LY6S: variants seen among roughly 807,000 people sequenced by gnomAD.
LY6S encodes lymphocyte antigen 6 family member S.
At chr8:143,047,495 C>T in the LY6S span, among the ~76,000 whole-genome samples, 2 of 152,102 alleles carry the variant, frequency 1.3e-5, no homozygotes, top group Admixed American at 1.3e-4. Flanking sequence ...AGGAAGTGAC[C>T]ATATCCTTGG....
the LY6S span, chr8:143,044,050 G>C: frequency 2.3e-6 from 1 of 425,818 alleles, no homozygotes; most frequent in South Asian, 1.6e-5. Context: ...AGCTGAGGGT[G>C]CTGAGGGTGC....
chr8:143,058,706 G>C, the LY6S span, among the ~76,000 whole-genome samples: 1 of 152,258 alleles, frequency 6.6e-6, no homozygotes, highest in Non-Finnish European at 1.5e-5. Context: ...TGGGGAAAGG[G>C]AGACTTCCTT....
chr8:143,053,633 T>C, the LY6S span: 1 of 152,152 alleles, frequency 6.6e-6, no homozygotes, highest in East Asian at 1.9e-4. Flanking sequence ...CTCTTAACGA[T>C]CAACGGTAAT....
At chr8:143,072,315 G>GTTC in the LY6S span, among the ~76,000 whole-genome samples, 1 of 114,290 alleles carries the variant, frequency 8.7e-6, no homozygotes, top group Non-Finnish European at 1.8e-5. Context: ...CGTCCCCGGG[G>GTTC]CTCCTGTTAG....
chr8:143,061,351 A>G, the LY6S span, among the ~76,000 whole-genome samples: 1 of 152,340 alleles, frequency 6.6e-6, no homozygotes, highest in African/African-American at 2.4e-5. Context: ...AAATAAAAGG[A>G]TATTTATAGT....
At chr8:143,051,986 A>G in the LY6S span, among the ~76,000 whole-genome samples, 3 of 144,066 alleles carry the variant, frequency 2.1e-5, no homozygotes, top group Non-Finnish European at 4.5e-5. Context: ...AAAAAAAAGA[A>G]AAGAAAAGAA....
At chr8:143,058,033 C>G in the LY6S span, among the ~76,000 whole-genome samples, 1 of 152,146 alleles carries the variant, frequency 6.6e-6, no homozygotes, top group Non-Finnish European at 1.5e-5. Context: ...AAAGTGGAGG[C>G]AAGTTCATTA....
At chr8:143,055,688 C>T in the LY6S span, among the ~76,000 whole-genome samples, 7,501 of 152,212 alleles carry the variant, frequency 0.049, 610 homozygotes, top group African/African-American at 0.17. Flanking sequence ...TGTACGAGCG[C>T]TTGTTTCATT....
At chr8:143,069,894 G>A in the LY6S span, among the ~76,000 whole-genome samples, 33 of 152,334 alleles carry the variant, frequency 2.2e-4, no homozygotes, top group African/African-American at 6.7e-4. Flanking sequence ...ATGAACAGGG[G>A]ACAGGGGATG....
At chr8:143,067,095 G>T in the LY6S span, among the ~76,000 whole-genome samples, 1 of 152,166 alleles carries the variant, frequency 6.6e-6, no homozygotes, top group African/African-American at 2.4e-5. Context: ...GTTCATGTGA[G>T]ATGTAATTGT....
chr8:143,069,804 G>T, the LY6S span, among the ~76,000 whole-genome samples: 1 of 152,246 alleles, frequency 6.6e-6, no homozygotes, highest in Admixed American at 6.5e-5. Flanking sequence ...ATCAGACTCC[G>T]CAAGCAGAGA....
the LY6S span, chr8:143,044,668 C>A: frequency 3.0e-5 from 41 of 1,366,028 alleles, no homozygotes; most frequent in Non-Finnish European, 4.0e-5. Context: ...TCTGCCCTGG[C>A]ACCCCAGGGA....
At chr8:143,055,729 T>TA in the LY6S span, among the ~76,000 whole-genome samples, 29 of 152,278 alleles carry the variant, frequency 1.9e-4, no homozygotes, top group East Asian at 1.5e-3. Context: ...GAAGAGTAAA[T>TA]ACGCCGTGAA....
chr8:143,058,765 G>T, the LY6S span, among the ~76,000 whole-genome samples: 8 of 152,206 alleles, frequency 5.3e-5, no homozygotes, highest in Admixed American at 1.3e-4. Flanking sequence ...TTATGCTACC[G>T]CTAGACCTCG....
chr8:143,058,898 A>G, the LY6S span, among the ~76,000 whole-genome samples: 3 of 152,124 alleles, frequency 2.0e-5, no homozygotes, highest in Non-Finnish European at 4.4e-5. Flanking sequence ...TCACTTCACT[A>G]TGTCCCCTCA....
the LY6S span, chr8:143,053,331 C>T: frequency 6.6e-6 from 1 of 152,330 alleles, no homozygotes; most frequent in East Asian, 1.9e-4. Flanking sequence ...CAAGTAACAT[C>T]TTCCTTTTCT....
At chr8:143,065,791 C>CT in the LY6S span, 2 of 106,276 alleles carry the variant, frequency 1.9e-5, no homozygotes, top group Non-Finnish European at 3.5e-5. Flanking sequence ...CTTTTTCTTT[C>CT]TTTCTTTCTT....
chr8:143,042,916 C>T, the LY6S span: 5 of 1,051,674 alleles, frequency 4.8e-6, no homozygotes, highest in Admixed American at 5.9e-5. Context: ...GGGCCTGGGC[C>T]CAGAGGACAA....
the LY6S span, among the ~76,000 whole-genome samples, chr8:143,075,045 C>T: frequency 1.3e-5 from 2 of 152,294 alleles, no homozygotes; most frequent in South Asian, 2.1e-4. The surrounding 1 kb of genome is among the most constrained non-coding windows in gnomAD (Gnocchi z 4.1). Flanking sequence ...GCTAACTGGA[C>T]GTGAAAATCT....
Sources: gnomAD v4.1 joint callset for allele counts (sites outside exome capture counted in the v4.1 genomes callset) on GRCh38, gnomAD v4.1.1 for gene constraint, Gnocchi (gnomAD v3.1) non-coding constraint, MANE v1.5 for transcripts, NCBI Gene and HGNC (gene_info 2026-07-23, HGNC 2026-07-21) for gene names.